The following ST6GALNAC3 variants were observed in gnomAD, a reference collection of about 807,000 sequenced individuals.
ST6GALNAC3 encodes ST6 N-acetylgalactosaminide alpha-2,6-sialyltransferase 3.
ST6GALNAC3 carries 25 observed loss-of-function variants against 32.7 expected under a neutral mutation model. That is an observed-to-expected ratio of 0.76 (90% CI 0.56 to 1.07). The LOEUF is 1.07. Ranked by LOEUF, ST6GALNAC3 falls within the 50% of genes least tolerant of loss-of-function variation. The pLI, the probability that ST6GALNAC3 is intolerant of heterozygous loss-of-function variation, is 0.00. For synonymous variants in ST6GALNAC3, 129 were observed against 133.1 expected (o/e 0.97, Z 0.21); for missense variants, 355 against 382.4 (o/e 0.93, Z 0.60).
At chr1:76,392,939 TGG>T (rs1652677293) in intron 2 of ST6GALNAC3, among the ~76,000 whole-genome samples, 2 of 152,148 alleles carry the variant, frequency 1.3e-5, no homozygotes, top group Non-Finnish European at 2.9e-5. Flanking sequence ...ATTATTAATG[TGG>T]AAGTATTAGA....
chr1:76,483,705 T>C (rs1659896447), intron 3 of ST6GALNAC3, among the ~76,000 whole-genome samples: 1 of 152,230 alleles, frequency 6.6e-6, no homozygotes, highest in Admixed American at 6.5e-5. Context: ...TCTTTTGCTG[T>C]GCAGAAGCTC....
intron 1 of ST6GALNAC3, among the ~76,000 whole-genome samples, chr1:76,264,057 G>A (rs1447478776): frequency 6.6e-6 from 1 of 152,100 alleles, no homozygotes; most frequent in East Asian, 1.9e-4. Context: ...TTATTATTTT[G>A]TACAATATAC....
At chr1:76,172,201 C>T (rs532583) in intron 1 of ST6GALNAC3, among the ~76,000 whole-genome samples, 19,508 of 152,046 alleles carry the variant, frequency 0.13, 1,622 homozygotes, top group Non-Finnish European at 0.19. Context: ...AATCAATAAA[C>T]GTAATCCATC....
At chr1:76,263,937 C>A (rs1323636122) in intron 1 of ST6GALNAC3, among the ~76,000 whole-genome samples, 1 of 152,078 alleles carries the variant, frequency 6.6e-6, no homozygotes, top group African/African-American at 2.4e-5. Context: ...CTAAAAGGCA[C>A]TGGATGGACA....
chr1:76,546,286 T>C (rs1297090999), intron 3 of ST6GALNAC3, among the ~76,000 whole-genome samples: 3 of 152,142 alleles, frequency 2.0e-5, no homozygotes, highest in Admixed American at 2.0e-4. Context: ...GGATTTAAAA[T>C]TGGCTGGAAA....
chr1:76,081,170 T>C (rs928844191), intron 1 of ST6GALNAC3, among the ~76,000 whole-genome samples: 33 of 152,104 alleles, frequency 2.2e-4, no homozygotes, highest in Admixed American at 5.2e-4. Context: ...TCACCCTGAC[T>C]TCGTGTGGTT....
intron 1 of ST6GALNAC3, among the ~76,000 whole-genome samples, chr1:76,257,921 T>C (rs144810929): frequency 1.7e-3 from 265 of 152,264 alleles, no homozygotes; most frequent in African/African-American, 6.1e-3. Context: ...ATAAAGCAGA[T>C]GAAAAAATGT....
chr1:76,606,504 G>C (rs576147512), intron 3 of ST6GALNAC3, among the ~76,000 whole-genome samples: 45 of 152,198 alleles, frequency 3.0e-4, no homozygotes, highest in Non-Finnish European at 1.2e-4. Context: ...TTATAAGTGG[G>C]AGCTGAACAA....
intron 2 of ST6GALNAC3, among the ~76,000 whole-genome samples, chr1:76,357,484 T>C (rs1288211751): frequency 6.6e-6 from 1 of 152,202 alleles, no homozygotes; most frequent in African/African-American, 2.4e-5. Context: ...TTGTTGTCTT[T>C]ATTTGGATGG....
chr1:76,550,244 C>T (rs1411964763), intron 3 of ST6GALNAC3, among the ~76,000 whole-genome samples: 1 of 152,116 alleles, frequency 6.6e-6, no homozygotes, highest in Non-Finnish European at 1.5e-5. Context: ...AAACCTTCTT[C>T]ATTTCCAAAA....
chr1:76,525,789 GTGTATATATATATATATATA>G (rs1662845526), intron 3 of ST6GALNAC3, among the ~76,000 whole-genome samples: 1 of 58,920 alleles, frequency 1.7e-5, no homozygotes. Flanking sequence ...GTGTGTGTGT[GTGTATATATATATATATATA>G]TATATATATA....
At chr1:76,543,504 T>C (rs867204116) in intron 3 of ST6GALNAC3, among the ~76,000 whole-genome samples, 24 of 152,244 alleles carry the variant, frequency 1.6e-4, no homozygotes, top group African/African-American at 5.8e-4. Context: ...GAAAAAAATA[T>C]GCAGATAAAT....
chr1:76,287,621 T>G (rs922811182), intron 1 of ST6GALNAC3, among the ~76,000 whole-genome samples: 1 of 152,176 alleles, frequency 6.6e-6, no homozygotes, highest in Non-Finnish European at 1.5e-5. Context: ...TAAAGAATGA[T>G]TCTATCATCC....
intron 3 of ST6GALNAC3, among the ~76,000 whole-genome samples, chr1:76,482,676 C>T (rs1659801455): frequency 6.6e-6 from 1 of 152,090 alleles, no homozygotes; most frequent in South Asian, 2.1e-4. Flanking sequence ...ACCCAGACTC[C>T]CAAGCCTCTG....
intron 1 of ST6GALNAC3, among the ~76,000 whole-genome samples, chr1:76,081,692 A>G (rs1053004521): frequency 1.1e-4 from 17 of 152,158 alleles, no homozygotes; most frequent in Non-Finnish European, 1.9e-4. Flanking sequence ...ATGTGAACCT[A>G]TGTGTCCTTT....
intron 2 of ST6GALNAC3, among the ~76,000 whole-genome samples, chr1:76,396,486 G>A (rs889448958): frequency 1.1e-4 from 17 of 151,860 alleles, no homozygotes; most frequent in Admixed American, 6.6e-5. Flanking sequence ...ATAAATAAAT[G>A]ACCAATCCAC....
At chr1:76,104,993 G>C (rs1011564793) in intron 1 of ST6GALNAC3, among the ~76,000 whole-genome samples, 5 of 152,078 alleles carry the variant, frequency 3.3e-5, no homozygotes, top group Admixed American at 3.3e-4. Context: ...CAACACGTGG[G>C]AATTCAAGAT....
At chr1:76,573,221 A>G (rs1646739219) in intron 3 of ST6GALNAC3, among the ~76,000 whole-genome samples, 1 of 152,124 alleles carries the variant, frequency 6.6e-6, no homozygotes, top group South Asian at 2.1e-4. Flanking sequence ...AGCGATTACC[A>G]GTGCTGGCAA....
At chr1:76,141,697 A>G (rs1264731298) in intron 1 of ST6GALNAC3, among the ~76,000 whole-genome samples, 1 of 152,228 alleles carries the variant, frequency 6.6e-6, no homozygotes, top group East Asian at 1.9e-4. Flanking sequence ...TTGGGGAAAT[A>G]ACACATACAT....
Sources: gnomAD v4.1 joint callset for allele counts (sites outside exome capture counted in the v4.1 genomes callset) on GRCh38, gnomAD v4.1.1 for gene constraint, MANE v1.5 for transcripts, NCBI Gene and HGNC (gene_info 2026-07-23, HGNC 2026-07-21) for gene names.